Variants in CUL5 observed in about 807,000 individuals in gnomAD.
CUL5 encodes cullin 5, also known as cullin-5.
CUL5 carries 26 observed loss-of-function variants against 108.8 expected under a neutral mutation model. The observed-to-expected ratio is 0.24, with a 90% CI of 0.18 to 0.33. The LOEUF (loss-of-function observed/expected upper bound fraction) is 0.33. Among genes scored for constraint, CUL5 ranks in the 10% least tolerant of loss-of-function variants. The probability of loss-of-function intolerance (pLI) is 1.00; values close to 1 mark genes in which losing one functional copy is unlikely to be tolerated. For missense variants in CUL5, 524 were observed against 909.2 expected, an observed-to-expected ratio of 0.58 and a Z score of 5.45; for synonymous variants, 334 against 298.0, an observed-to-expected ratio of 1.12 and a Z score of -1.25.
intron 13 of CUL5, among the ~76,000 whole-genome samples, chr11:108,091,691 T>TCA (rs1170721478): frequency 2.5e-4 from 15 of 59,764 alleles, no homozygotes; most frequent in Non-Finnish European, 4.9e-4. Context: ...CCTGTCTCTC[T>TCA]CACTCACACA....
chr11:108,078,836 TAAG>T lies in CUL5; in HGVS notation c.1178+600_1178+602del, dbSNP rs147198848. Among the ~76,000 whole-genome samples, 417 of 152,280 alleles carry T rather than the reference TAAG, an allele frequency of 2.7e-3. 2 individuals are homozygous for T. The highest frequency in any genetic ancestry group is 9.6e-3 in the African/African-American group (400 of 41,570). On this transcript the variant is annotated intron_variant, in intron 11 of 18. Coordinates refer to ENST00000393094, the MANE Select transcript of CUL5 (RefSeq NM_003478.6). ...AAAAATACTGAAAAATAACGTTTCTTAAGAAGGAAAAATAATCAGGTATTTTTC... is the reference window on the plus strand; with the variant it reads ...AAAAATACTGAAAAATAACGTTTCTTAAGGAAAAATAATCAGGTATTTTTC...
intron 7 of CUL5, among the ~76,000 whole-genome samples, chr11:108,057,521 T>C (rs562957890): frequency 2.0e-5 from 3 of 152,308 alleles, no homozygotes; most frequent in East Asian, 3.9e-4. Context: ...TATTTCTGTT[T>C]TACTCTTGCC....
chr11:108,051,757 T>C (rs1863229874), intron 4 of CUL5, among the ~76,000 whole-genome samples: 1 of 152,224 alleles, frequency 6.6e-6, no homozygotes, highest in Admixed American at 6.5e-5. Flanking sequence ...TACAAACATA[T>C]GCATATGTCT....
chr11:108,086,761 G>A (rs1864230209), intron 11 of CUL5, among the ~76,000 whole-genome samples: 1 of 152,130 alleles, frequency 6.6e-6, no homozygotes, highest in African/African-American at 2.4e-5. Context: ...GCAAAGAAAG[G>A]CATACCTCTC....
At chr11:108,023,199 C>T (rs929007193) in intron 1 of CUL5, among the ~76,000 whole-genome samples, 2 of 151,818 alleles carry the variant, frequency 1.3e-5, no homozygotes, top group African/African-American at 2.4e-5. Flanking sequence ...TAGTGAGCCA[C>T]GATCTTGCCA....
intron 11 of CUL5, among the ~76,000 whole-genome samples, chr11:108,084,008 C>T (rs1239491675): frequency 6.6e-6 from 1 of 152,152 alleles, no homozygotes; most frequent in Non-Finnish European, 1.5e-5. Flanking sequence ...TTTAGCTCAT[C>T]ATCTGTCATT....
chr11:108,010,055 A>C (rs1862025398), intron 1 of CUL5, among the ~76,000 whole-genome samples: 1 of 152,234 alleles, frequency 6.6e-6, no homozygotes, highest in South Asian at 2.1e-4. Context: ...GACAGTATTT[A>C]AAGTTAGTTT....
intron 1 of CUL5, among the ~76,000 whole-genome samples, chr11:108,010,890 ATTAAT>A (rs1181452567): frequency 6.6e-6 from 1 of 152,220 alleles, no homozygotes; most frequent in African/African-American, 2.4e-5. Context: ...TTTTAGATAC[ATTAAT>A]TTAATCTTCA....
In CUL5 at chr11:108,087,181, C is replaced by T. The variant is rs76564298; in HGVS notation, c.1179-1346C>T. On this transcript the variant is annotated intron_variant, in intron 11 of 18. Transcript: ENST00000393094. ...TGAATAAGACTTCTCAGGGCAAAGA[C>T]ATACATTTATACAAATAAAAGAAAT... 2.0e-3 allele frequency among the ~76,000 whole-genome samples: 309 copies of T among 152,160 alleles called. 1 individual carries two copies. Among genetic ancestry groups the T allele is most frequent in the African/African-American group, 7.2e-3 (298 of 41,538 alleles).
intron 11 of CUL5, among the ~76,000 whole-genome samples, 177 bp from the exon 12 acceptor site, chr11:108,088,350 C>T (rs115454932): frequency 5.8e-4 from 89 of 152,232 alleles, no homozygotes; most frequent in African/African-American, 1.9e-3. Flanking sequence ...CTTAGGGGAA[C>T]GTAAAAGTGA....
chr11:108,017,177 C>T (rs935369198), intron 1 of CUL5, among the ~76,000 whole-genome samples: 14 of 151,714 alleles, frequency 9.2e-5, no homozygotes, highest in African/African-American at 3.4e-4. Flanking sequence ...TTACCTGAGC[C>T]CAGGAATTTT....
intron 8 of CUL5, 95 bp downstream of exon 8, chr11:108,070,284 A>G (rs1220778516): frequency 1.2e-6 from 1 of 842,724 alleles, no homozygotes; most frequent in Admixed American, 2.0e-5. Flanking sequence ...ATTCTTTTCC[A>G]CATAGGTATA....
intron 1 of CUL5, among the ~76,000 whole-genome samples, chr11:108,011,347 A>G (rs991175479): frequency 2.0e-5 from 3 of 152,232 alleles, no homozygotes; most frequent in African/African-American, 7.2e-5. Context: ...GGTTCATATT[A>G]GTTAAGTACT....
At chr11:108,083,582 C>T (rs1352823492) in intron 11 of CUL5, among the ~76,000 whole-genome samples, 1 of 152,094 alleles carries the variant, frequency 6.6e-6, no homozygotes, top group Non-Finnish European at 1.5e-5. Context: ...TTTAAGGCCA[C>T]GAGTTTAAGA....
At chr11:108,028,675 A>G (rs140681149) in intron 1 of CUL5, among the ~76,000 whole-genome samples, 1 of 152,146 alleles carries the variant, frequency 6.6e-6, no homozygotes, top group African/African-American at 2.4e-5. Context: ...CGTCTCTACT[A>G]AAATACAAAA....
In CUL5 at chr11:108,104,230, G is replaced by A. The variant is rs763188561; in HGVS notation, c.2189G>A (p.Ser730Asn). 6.3e-7 allele frequency: 1 copy of A among 1,587,476 alleles called. No homozygotes were observed. The highest frequency in any genetic ancestry group is 1.2e-5 in the South Asian group (1 of 84,928). Residue 730 changes from serine (S) to asparagine (N), a missense_variant, in exon 19 of 19, where the codon AGT becomes AAT. Ser to Asn is a conservative substitution (Grantham distance 46). This residue lies in a region of CUL5 where 22 missense variants were observed against 70.5 expected (regional missense o/e 0.31). Coordinates refer to ENST00000393094, the MANE Select transcript of CUL5 (RefSeq NM_003478.6). ...IQIMKMRKKI[S>N]NAQLQTELVE... is the part of the protein sequence containing the mutation. ...ATAATGAAAATGAGAAAGAAAATTA[G>A]TAATGCTCAGCTGCAGACTGAATTA...
In CUL5 at chr11:108,028,488, C is replaced by T. The variant is rs547989615; in HGVS notation, c.25-5314C>T. On this transcript the variant is annotated intron_variant, in intron 1 of 18. Coordinates refer to ENST00000393094, the MANE Select transcript of CUL5 (RefSeq NM_003478.6). ...TCCTACACCCAGTTTTAACCCTTGC[C>T]CCTTATAATATATTCTCAACATAGT... Among the ~76,000 whole-genome samples the T allele has an allele frequency of 2.0e-5, 3 of 152,246 alleles. No individual in the cohort carries two copies. The South Asian group carries it at 6.2e-4, about 32-fold the overall frequency.
At chr11:108,089,736 T>C (rs1229622928) in intron 13 of CUL5, 113 bp downstream of exon 13, 6 of 616,654 alleles carry the variant, frequency 9.7e-6, no homozygotes, top group Non-Finnish European at 1.5e-5. Flanking sequence ...GGAAACATTT[T>C]ATAAGAATAT....
At chr11:108,021,127 T>C (rs1442049183) in intron 1 of CUL5, among the ~76,000 whole-genome samples, 3 of 152,186 alleles carry the variant, frequency 2.0e-5, no homozygotes, top group Non-Finnish European at 4.4e-5. Flanking sequence ...TAGTAAGTAG[T>C]CTCTACCATT....
Sources: allele counts gnomAD v4.1 joint callset (sites outside exome capture counted in the v4.1 genomes callset), GRCh38; gene constraint gnomAD v4.1.1; regional missense constraint gnomAD v4.1.1; transcripts MANE v1.5; gene names NCBI Gene and HGNC (gene_info 2026-07-23, HGNC 2026-07-21).